ZNF283: variants seen among roughly 807,000 people sequenced by gnomAD.
The protein encoded by ZNF283 is zinc finger protein 283.
Under a neutral mutation model 9.2 loss-of-function variants are expected in ZNF283, and 10 were observed. The ratio of observed to expected loss-of-function variants is 1.09; its 90% CI spans 0.67 to 1.85. The LOEUF (loss-of-function observed/expected upper bound fraction) is 1.85, where lower values mean the gene tolerates loss of function less well. ZNF283 is among the 40% of genes most tolerant of loss of function. The pLI is 0.00. For missense variants in ZNF283, 631 were observed against 760.1 expected, an observed-to-expected ratio of 0.83 and a Z score of 2.00; for synonymous variants, 234 against 244.1, an observed-to-expected ratio of 0.96 and a Z score of 0.38.
At chr19:43,834,660 ATC>A (rs1302782071) in intron 4 of ZNF283, among the ~76,000 whole-genome samples, 2 of 151,972 alleles carry the variant, frequency 1.3e-5, no homozygotes, top group African/African-American at 4.8e-5. Flanking sequence ...CAGCAGCGCG[ATC>A]TCGGCTCACT....
In ZNF283 at chr19:43,848,484, A is replaced by G. The variant is rs749064144; in HGVS notation, c.1883A>G (p.Gln628Arg). 2.5e-6 allele frequency: 4 copies of G among 1,613,490 alleles called. No homozygotes were observed. Among genetic ancestry groups the G allele is most frequent in the Admixed American group, 3.3e-5 (2 of 59,994 alleles). ...QRFHTGEKLYQRKEFGKTFTC... is the reference protein window; with the variant it reads ...QRFHTGEKLYRRKEFGKTFTC... ...TTTCATACTGGTGAGAAGCTTTATC[A>G]ACGTAAGGAATTCGGGAAGACCTTT... is the stretch of plus-strand genomic sequence containing the variant. Residue 628 changes from glutamine to arginine, a missense_variant, in exon 7 of 7, where the codon CAA becomes CGA. Physicochemically the swap from Gln to Arg is conservative, Grantham distance 43. Coordinates refer to ENST00000618787, the MANE Select transcript of ZNF283 (RefSeq NM_181845.2).
chr19:43,836,988 C>G (rs2146549483), intron 5 of ZNF283, 65 bp from the exon 6 acceptor site: 11 of 1,572,020 alleles, frequency 7.0e-6, no homozygotes, highest in African/African-American at 1.4e-5. Context: ...CCTTTGTACC[C>G]TCTTTTTTCC....
At chr19:43,840,691 CTTT>C (rs34863858) in intron 6 of ZNF283, 6 of 146,616 alleles carry the variant, frequency 4.1e-5, no homozygotes, top group Non-Finnish European at 4.5e-5. Flanking sequence ...CTCTCTCTCT[CTTT>C]TTTTTTTTTG....
chr19:43,842,152 G>A (rs999817069), intron 6 of ZNF283, among the ~76,000 whole-genome samples: 3 of 152,038 alleles, frequency 2.0e-5, no homozygotes, highest in African/African-American at 7.2e-5. Flanking sequence ...CACCAGTCAC[G>A]GAGGTGCAAC....
chr19:43,840,476 A>G (rs1045702274), intron 6 of ZNF283, among the ~76,000 whole-genome samples: 12 of 152,182 alleles, frequency 7.9e-5, no homozygotes, highest in Admixed American at 7.8e-4. Context: ...TGAGGAGTGA[A>G]GGAAGTGATT....
chr19:43,844,121 CAA>C (rs560028669), intron 6 of ZNF283, among the ~76,000 whole-genome samples: 83 of 152,110 alleles, frequency 5.5e-4, no homozygotes, highest in African/African-American at 1.8e-3. Flanking sequence ...ATTTTTATAA[CAA>C]ATCATTTATG....
intron 6 of ZNF283, among the ~76,000 whole-genome samples, chr19:43,840,088 G>A (rs1971139393): frequency 6.6e-6 from 1 of 152,040 alleles, no homozygotes; most frequent in African/African-American, 2.4e-5. Flanking sequence ...GTTGAGGGCT[G>A]GAGCTGTCAG....
chr19:43,839,660 A>G (rs1971120543), intron 6 of ZNF283, among the ~76,000 whole-genome samples: 1 of 152,084 alleles, frequency 6.6e-6, no homozygotes, highest in Non-Finnish European at 1.5e-5. Flanking sequence ...CTCTAGTGCA[A>G]TAATTTCAAA....
At chr19:43,840,279 G>A (rs1312998235) in intron 6 of ZNF283, among the ~76,000 whole-genome samples, 3 of 152,122 alleles carry the variant, frequency 2.0e-5, no homozygotes, top group African/African-American at 7.2e-5. Context: ...GATACTTCTG[G>A]GGAAAGCTGC....
At position 43,849,529 on chromosome 19, in the gene ZNF283, T is replaced by C. The variant is rs1218096359; in HGVS notation, c.*888T>C. 1 of 152,220 alleles carries C rather than the reference T, an allele frequency of 6.6e-6. No individual in the cohort carries two copies. Among genetic ancestry groups the C allele is most frequent in the Non-Finnish European group, 1.5e-5 (1 of 68,026 alleles). 9.4% of individuals were successfully genotyped at this position (152,220 alleles called of 1,614,324 possible). On this transcript the variant is annotated 3_prime_UTR_variant, in exon 7 of 7. Coordinates refer to ENST00000618787, the MANE Select transcript of ZNF283 (RefSeq NM_181845.2). ...AAATTTTCTAATGCCTGTAACAGCATAAGATAATTTATACCAGATATGTTA... is the reference window on the plus strand; with the variant it reads ...AAATTTTCTAATGCCTGTAACAGCACAAGATAATTTATACCAGATATGTTA...
intron 6 of ZNF283, among the ~76,000 whole-genome samples, chr19:43,843,921 C>T (rs1971309893): frequency 6.6e-6 from 1 of 152,108 alleles, no homozygotes; most frequent in Admixed American, 6.5e-5. Context: ...CAACTATGTA[C>T]CATGAGAGGC....
At chr19:43,828,446 G>C (rs1363355103) in intron 2 of ZNF283, among the ~76,000 whole-genome samples, 165 bp downstream of exon 2, 4 of 151,978 alleles carry the variant, frequency 2.6e-5, no homozygotes, top group African/African-American at 9.7e-5. Flanking sequence ...GCCCCCTATT[G>C]TTCTTCTCCA....
At chr19:43,836,501 C>A (rs1970984424) in intron 5 of ZNF283, among the ~76,000 whole-genome samples, 1 of 152,168 alleles carries the variant, frequency 6.6e-6, no homozygotes, top group Non-Finnish European at 1.5e-5. Context: ...GCCACCACAC[C>A]TGGCTAATTT....
In ZNF283 at chr19:43,849,830, G is replaced by C. The variant is rs1319039437; in HGVS notation, c.*1189G>C. The C allele has an allele frequency of 1.3e-5, 2 of 152,078 alleles. No homozygotes were observed. Among genetic ancestry groups the C allele is most frequent in the African/African-American group, 2.4e-5 (1 of 41,408 alleles). The allele number at this position is 152,078 out of a possible 1,614,324, so 9.4% of individuals were successfully genotyped here. On this transcript the variant is annotated 3_prime_UTR_variant, in exon 7 of 7. Transcript: ENST00000618787. ...GCATCATATCCTTGGAAGAGTATCT[G>C]GTATGTAGCCTATGCTTAATACATA...
rs532412758 is a variant in ZNF283 at position 43,843,589 on chromosome 19, A to C, written c.338-3350A>C. ...AGCTTTATAGCTTCCTAATACATTA[A>C]GATTTTTTATGAGATGGGTGGTAAT... On this transcript the variant is annotated intron_variant, in intron 6 of 6. Coordinates refer to ENST00000618787, the MANE Select transcript of ZNF283 (RefSeq NM_181845.2). 6.6e-5 allele frequency among the ~76,000 whole-genome samples: 10 copies of C among 152,314 alleles called. No homozygotes were observed. The South Asian group carries it at 2.1e-3, about 32-fold the overall frequency.
intron 5 of ZNF283, 94 bp downstream of exon 5, chr19:43,835,686 T>C (rs2146545732): frequency 2.1e-6 from 2 of 962,228 alleles, no homozygotes; most frequent in Non-Finnish European, 3.2e-6. Flanking sequence ...AACTTCTCCA[T>C]AGACCCAAGT....
chr19:43,827,818 C>G (rs10500287), intron 1 of ZNF283: 63,975 of 152,038 alleles, frequency 0.42, 13,853 homozygotes, highest in South Asian at 0.57. Flanking sequence ...ATTAAATGAC[C>G]GCAAGAAAGA....
intron 2 of ZNF283, among the ~76,000 whole-genome samples, chr19:43,828,810 C>T (rs1317965707): frequency 6.6e-6 from 1 of 152,130 alleles, no homozygotes; most frequent in Admixed American, 6.5e-5. Context: ...TGTGAGCCAC[C>T]ATGCCTGGCC....
At chr19:43,843,609 G>A (rs1341290712) in intron 6 of ZNF283, among the ~76,000 whole-genome samples, 1 of 152,118 alleles carries the variant, frequency 6.6e-6, no homozygotes, top group Non-Finnish European at 1.5e-5. Flanking sequence ...TGAGATGGGT[G>A]GTAATATTAA....
Sources: allele counts gnomAD v4.1 joint callset (sites outside exome capture counted in the v4.1 genomes callset), GRCh38; gene constraint gnomAD v4.1.1; transcripts MANE v1.5; gene names NCBI Gene and HGNC (gene_info 2026-07-23, HGNC 2026-07-21).